NKTR: variants seen among roughly 807,000 people sequenced by gnomAD.
NKTR encodes NK-tumor recognition protein.
NKTR carries 67 observed loss-of-function variants against 156.3 expected under a neutral mutation model. The ratio of observed to expected loss-of-function variants is 0.43; its 90% confidence interval spans 0.35 to 0.53. NKTR has a LOEUF of 0.53. Among genes scored for constraint, NKTR ranks in the 20% least tolerant of loss-of-function variants. The probability of loss-of-function intolerance (pLI) is 0.01; values close to 1 mark genes in which losing one functional copy is unlikely to be tolerated. For missense variants in NKTR, 1,604 were observed against 1,730.9 expected, an observed-to-expected ratio of 0.93 and a Z score of 1.30; for synonymous variants, 640 against 596.6, an observed-to-expected ratio of 1.07 and a Z score of -1.06.
chr3:42,620,803 C>T (rs765646435), intron 5 of NKTR: 4 of 984,850 alleles, frequency 4.1e-6, no homozygotes, highest in Non-Finnish European at 3.6e-6. Context: ...TGTGGTTGTT[C>T]CTTGTGGCAG....
At chr3:42,634,288 T>C (rs1709183218) in intron 10 of NKTR, among the ~76,000 whole-genome samples, 1 of 152,228 alleles carries the variant, frequency 6.6e-6, no homozygotes, top group South Asian at 2.1e-4. Context: ...GTATTTTGTG[T>C]GTTAGACTCA....
chr3:42,612,303 G>T (rs1559554954), intron 2 of NKTR: 2 of 152,070 alleles, frequency 1.3e-5, no homozygotes, highest in Non-Finnish European at 2.9e-5. Context: ...TGTTGATAGG[G>T]TTGGGAAACA....
chr3:42,610,631 T>C (rs1706693178), intron 2 of NKTR, among the ~76,000 whole-genome samples: 1 of 152,122 alleles, frequency 6.6e-6, no homozygotes, highest in Non-Finnish European at 1.5e-5. Context: ...ATAGGATTTT[T>C]CCTTCACTTC....
intron 2 of NKTR, among the ~76,000 whole-genome samples, chr3:42,614,167 T>C (rs1707116719): frequency 6.6e-6 from 1 of 152,204 alleles, no homozygotes; most frequent in African/African-American, 2.4e-5. Context: ...AACAAATTTT[T>C]CTTAGATATT....
chr3:42,635,166 A>G (rs1190193015), intron 11 of NKTR, 55 bp from the exon 12 acceptor site: 6 of 1,449,840 alleles, frequency 4.1e-6, no homozygotes, highest in Non-Finnish European at 4.7e-6. Flanking sequence ...TCTGTCACAT[A>G]GCAGACTGTC....
At chr3:42,623,790 AC>A (rs1453967335) in intron 6 of NKTR, 2 of 152,144 alleles carry the variant, frequency 1.3e-5, no homozygotes, top group Non-Finnish European at 2.9e-5. Context: ...CTCATAGGGC[AC>A]TTTGAGTGGC....
At chr3:42,605,815 T>C (rs1706178887) in intron 2 of NKTR, among the ~76,000 whole-genome samples, 2 of 152,172 alleles carry the variant, frequency 1.3e-5, no homozygotes. Flanking sequence ...TGTTATATTA[T>C]TAACCTAATA....
At chr3:42,642,764 A>G (rs761218486) in intron 14 of NKTR, among the ~76,000 whole-genome samples, 168 bp downstream of exon 14, 17 of 152,346 alleles carry the variant, frequency 1.1e-4, no homozygotes, top group Middle Eastern at 3.4e-3. Context: ...ATTCTTGACT[A>G]TTCCTCTGTT....
At chr3:42,613,119 G>T (rs1707001230) in intron 2 of NKTR, among the ~76,000 whole-genome samples, 4 of 151,942 alleles carry the variant, frequency 2.6e-5, no homozygotes, top group African/African-American at 9.7e-5. Flanking sequence ...ATCTCTCTGC[G>T]GTCACACACA....
At chr3:42,643,597 A>G (rs1710098394) in intron 15 of NKTR, 4 of 624,986 alleles carry the variant, frequency 6.4e-6, no homozygotes, top group East Asian at 2.8e-5. Flanking sequence ...GACAATATCA[A>G]ATTGTAATGG....
intron 2 of NKTR, among the ~76,000 whole-genome samples, chr3:42,610,232 G>A (rs1293311389): frequency 6.6e-6 from 1 of 151,982 alleles, no homozygotes; most frequent in Non-Finnish European, 1.5e-5. Context: ...TCGAACTCCC[G>A]ACCTCAGGTG....
intron 3 of NKTR, among the ~76,000 whole-genome samples, chr3:42,617,874 G>A (rs867942523): frequency 4.6e-5 from 7 of 151,904 alleles, no homozygotes; most frequent in African/African-American, 9.7e-5. Flanking sequence ...AAGAATCTAC[G>A]TTATATAATG....
intron 16 of NKTR, 149 bp downstream of exon 16, chr3:42,644,152 A>G: frequency 1.8e-6 from 1 of 544,748 alleles, no homozygotes; most frequent in Non-Finnish European, 3.3e-6. Context: ...AACAACCCAC[A>G]AGCAGCCACT....
At chr3:42,633,475 T>C in intron 9 of NKTR, 105 bp from the exon 10 acceptor site, 1 of 1,478,756 alleles carries the variant, frequency 6.8e-7, no homozygotes, top group Non-Finnish European at 9.0e-7. Context: ...GTGAGACTTG[T>C]AAGCTATCGT....
At chr3:42,618,351 CAAAA>C (rs370572858) in intron 3 of NKTR, among the ~76,000 whole-genome samples, 1 of 73,808 alleles carries the variant, frequency 1.4e-5, no homozygotes, top group Non-Finnish European at 3.0e-5. Context: ...GACTTTGTCT[CAAAA>C]AAAAAAAAAA....
At chr3:42,610,731 A>G (rs1186516654) in intron 2 of NKTR, among the ~76,000 whole-genome samples, 2 of 152,146 alleles carry the variant, frequency 1.3e-5, no homozygotes, top group African/African-American at 4.8e-5. Context: ...GTTTTATATC[A>G]TCTCTCCCAG....
chr3:42,620,706 G>A (rs1707830383), intron 5 of NKTR: 2 of 984,114 alleles, frequency 2.0e-6, no homozygotes, highest in Non-Finnish European at 2.4e-6. Context: ...CTTTATCACA[G>A]ATTTTTTTTT....
At chr3:42,634,510 G>GCATGTAT in intron 10 of NKTR, 103 bp from the exon 11 acceptor site, 1 of 568,350 alleles carries the variant, frequency 1.8e-6, no homozygotes, top group Admixed American at 3.6e-5. Context: ...TTGCAAAATG[G>GCATGTAT]CATGTATCTT....
rs1448150267 is a variant in NKTR, at chr3:42,638,364, C to CTTG, written c.2661_2662insTGT (p.Ser887_Glu888insCys). Reference sequence around the variant, plus strand: ...AATTATGCTGGTAGTAAATGGGACTCTGAGTCAAATTCAGAACGAGATGTC... The same window carrying CTTG: ...AATTATGCTGGTAGTAAATGGGACTCTTGTGAGTCAAATTCAGAACGAGATGTC... On this transcript the variant is annotated inframe_insertion, in exon 13 of 17. Transcript: ENST00000232978. 1.2e-6 allele frequency: 2 copies of CTTG among 1,613,670 alleles called. No individual in the cohort carries two copies. The highest frequency in any genetic ancestry group is 1.7e-5 in the Admixed American group (1 of 59,916).
Sources: gnomAD v4.1 joint callset for allele counts (sites outside exome capture counted in the v4.1 genomes callset) on GRCh38, gnomAD v4.1.1 for gene constraint, MANE v1.5 for transcripts, NCBI Gene and HGNC (gene_info 2026-07-23, HGNC 2026-07-21) for gene names.